USH2A: variants seen among roughly 807,000 people sequenced by gnomAD.
The protein encoded by USH2A is Usher syndrome 2A (autosomal recessive, mild).
Under a neutral mutation model 538.9 loss-of-function variants are expected in USH2A, and 443 were observed. That is an observed-to-expected ratio of 0.82 (90% confidence interval 0.76 to 0.89). The LOEUF is 0.89. USH2A is among the 40% of genes least tolerant of loss of function. The pLI is 0.00. For synonymous variants in USH2A, 2,413 were observed against 2,273.5 expected, an observed-to-expected ratio of 1.06 and a Z score of -1.75; for missense variants, 6,633 against 6,324.8, an observed-to-expected ratio of 1.05 and a Z score of -1.65.
At position 215,801,267 on chromosome 1, in the gene USH2A, A is replaced by G. The variant is rs939823575; in HGVS notation, c.9740-2142T>C. Among the ~76,000 whole-genome samples, 9 of 152,144 alleles carry G rather than the reference A, an allele frequency of 5.9e-5. 1 individual carries two copies. The South Asian group carries it at 1.9e-3, about 32-fold the overall frequency. On this transcript the variant is annotated intron_variant, in intron 49 of 71. Transcript: ENST00000307340. ...CCCTTTGCCACTTGTATTCTACATAATATTGGATATTATGGCTAGAGCAAT... is the reference window on the plus strand; with the variant it reads ...CCCTTTGCCACTTGTATTCTACATAGTATTGGATATTATGGCTAGAGCAAT...
intron 32 of USH2A, among the ~76,000 whole-genome samples, chr1:216,025,685 G>C (rs1282995779): frequency 6.6e-6 from 1 of 152,016 alleles, no homozygotes; most frequent in African/African-American, 2.4e-5. Flanking sequence ...GTAAAGGTAT[G>C]TGCCTTTATA....
At chr1:216,310,331 G>C (rs1383363672) in intron 9 of USH2A, among the ~76,000 whole-genome samples, 1 of 151,644 alleles carries the variant, frequency 6.6e-6, no homozygotes. Flanking sequence ...CTTTTTTGGG[G>C]GTTGCCCTAT....
intron 21 of USH2A, among the ~76,000 whole-genome samples, chr1:216,144,841 C>T (rs1260523156): frequency 6.6e-6 from 1 of 152,100 alleles, no homozygotes; most frequent in Non-Finnish European, 1.5e-5. Context: ...ACCCTGAGTC[C>T]CTTAGTCCAT....
chr1:215,985,057 C>G (rs10442697), intron 35 of USH2A, among the ~76,000 whole-genome samples: 26,237 of 152,164 alleles, frequency 0.17, 2,748 homozygotes, highest in African/African-American at 0.29. Context: ...ATAAAAGTTA[C>G]GCAAGGTTTG....
chr1:216,300,484 C>T (rs139259133), intron 9 of USH2A, among the ~76,000 whole-genome samples: 33 of 152,234 alleles, frequency 2.2e-4, no homozygotes, highest in Admixed American at 8.5e-4. Context: ...TAATCAACTC[C>T]GCTAAGTTGC....
chr1:215,766,865 C>T (rs1661148258), intron 55 of USH2A, 77 bp from the exon 56 acceptor site: 1 of 1,347,040 alleles, frequency 7.4e-7, no homozygotes. Context: ...AAGTAACATG[C>T]AGAGTTGTAG....
intron 3 of USH2A, among the ~76,000 whole-genome samples, chr1:216,404,289 C>T (rs2039355257): frequency 6.6e-6 from 1 of 152,006 alleles, no homozygotes; most frequent in Admixed American, 6.6e-5. Flanking sequence ...AAAACATCAA[C>T]AAGCTTATTG....
At chr1:215,830,240 GC>G (rs1663273883) in intron 47 of USH2A, among the ~76,000 whole-genome samples, 1 of 152,116 alleles carries the variant, frequency 6.6e-6, no homozygotes, top group Non-Finnish European at 1.5e-5. Flanking sequence ...TGCCTTGCAA[GC>G]CAGAGAGTAT....
chr1:215,650,853 G>GAAAAAAAAAAAAAAAA, intron 64 of USH2A, 52 bp from the exon 65 acceptor site: 2 of 1,232,022 alleles, frequency 1.6e-6, no homozygotes, highest in Non-Finnish European at 2.2e-6. Flanking sequence ...CTAAGGCTGG[G>GAAAAAAAAAAAAAAAA]AAAAAAAAAA....
intron 32 of USH2A, among the ~76,000 whole-genome samples, chr1:216,020,683 C>A (rs1227715938): frequency 1.3e-5 from 2 of 152,136 alleles, no homozygotes; most frequent in Non-Finnish European, 2.9e-5. Flanking sequence ...GAACTTTCAG[C>A]TTCACTACTC....
At chr1:215,744,501 T>C (rs6656366) in intron 58 of USH2A, among the ~76,000 whole-genome samples, 34,805 of 152,198 alleles carry the variant, frequency 0.23, 4,165 homozygotes, top group African/African-American at 0.25. Context: ...GTTTTTAACA[T>C]TTATGAGTTT....
chr1:215,854,336 T>C (rs903820596), intron 44 of USH2A, among the ~76,000 whole-genome samples: 1 of 152,056 alleles, frequency 6.6e-6, no homozygotes, highest in African/African-American at 2.4e-5. Context: ...TCCCACAACA[T>C]GTGGGCATTA....
At chr1:215,687,490 A>G (rs765660897) in intron 61 of USH2A, among the ~76,000 whole-genome samples, 7 of 152,134 alleles carry the variant, frequency 4.6e-5, no homozygotes, top group Non-Finnish European at 7.4e-5. Flanking sequence ...AATTTAACCT[A>G]TAAAGCAAAA....
intron 22 of USH2A, 143 bp from the exon 23 acceptor site, chr1:216,089,282 T>C: frequency 1.1e-6 from 1 of 882,552 alleles, no homozygotes; most frequent in Non-Finnish European, 1.8e-6. Context: ...GAACTCAAAA[T>C]TAAAGCTGAT....
chr1:216,320,772 T>TTA (rs2037591116), intron 9 of USH2A, among the ~76,000 whole-genome samples: 1 of 152,158 alleles, frequency 6.6e-6, no homozygotes, highest in African/African-American at 2.4e-5. Flanking sequence ...TATCAGACTG[T>TTA]TATATTTTTC....
intron 61 of USH2A, among the ~76,000 whole-genome samples, chr1:215,698,040 A>T (rs1658876356): frequency 6.6e-6 from 1 of 151,876 alleles, no homozygotes; most frequent in South Asian, 2.1e-4. Context: ...ATATGTTCTC[A>T]TTGTTCAACT....
chr1:216,221,434 G>A (rs999678514), intron 14 of USH2A, among the ~76,000 whole-genome samples: 2 of 152,188 alleles, frequency 1.3e-5, no homozygotes, highest in South Asian at 2.1e-4. Context: ...ACTACTAACA[G>A]CATCTGAATT....
intron 32 of USH2A, among the ~76,000 whole-genome samples, chr1:216,007,641 T>G (rs1668432068): frequency 6.6e-6 from 1 of 152,202 alleles, no homozygotes; most frequent in African/African-American, 2.4e-5. Context: ...GAAAACCTTG[T>G]AAAGATTTCA....
At chr1:215,909,747 A>G (rs942802247) in intron 38 of USH2A, among the ~76,000 whole-genome samples, 1 of 151,964 alleles carries the variant, frequency 6.6e-6, no homozygotes, top group Non-Finnish European at 1.5e-5. Context: ...AGATTTGCAG[A>G]TCACTGGGAG....
Sources: allele counts gnomAD v4.1 joint callset (sites outside exome capture counted in the v4.1 genomes callset), GRCh38; gene constraint gnomAD v4.1.1; transcripts MANE v1.5; gene names NCBI Gene and HGNC (gene_info 2026-07-23, HGNC 2026-07-21).